The following FUBP1 variants were observed in gnomAD, a reference collection of about 807,000 sequenced individuals.
FUBP1 encodes far upstream element-binding protein 1.
A neutral mutation model predicts 94.9 loss-of-function variants in FUBP1; 16 were observed. The ratio of observed to expected loss-of-function variants is 0.17; its 90% CI spans 0.11 to 0.26. The LOEUF (loss-of-function observed/expected upper bound fraction) is 0.26. Ranked by LOEUF, FUBP1 falls within the 10% of genes least tolerant of loss-of-function variation. FUBP1 has a pLI of 1.00. For synonymous variants in FUBP1, 279 were observed against 254.9 expected, an observed-to-expected ratio of 1.09 and a Z score of -0.90; for missense variants, 583 against 808.6, an observed-to-expected ratio of 0.72 and a Z score of 3.38.
At chr1:77,953,152 AT>A (rs1195128479) in intron 18 of FUBP1, among the ~76,000 whole-genome samples, 1 of 151,906 alleles carries the variant, frequency 6.6e-6, no homozygotes, top group Non-Finnish European at 1.5e-5. Context: ...ACAACGAGAT[AT>A]GCATGTGAAG....
At chr1:77,957,103 TAAGA>T (rs1197063048) in intron 16 of FUBP1, among the ~76,000 whole-genome samples, 2 of 152,162 alleles carry the variant, frequency 1.3e-5, no homozygotes, top group Admixed American at 6.6e-5. Context: ...CTAACCTGTA[TAAGA>T]AAGAAAATTA....
In FUBP1 at chr1:77,949,166, G is replaced by A. The variant is rs1652849054; in HGVS notation, c.1915C>T (p.Pro639Ser). The change falls in exon 19 of 20, where the codon CCA becomes TCA. Residue 639 changes from proline to serine, a missense_variant. Coordinates refer to ENST00000370768, the MANE Select transcript of FUBP1 (RefSeq NM_003902.5). ...CAATTACATTATACCTGAGGTGCTG[G>A]AGGATGCTGTGGCATTCCCTGGGGA... ...TSPQGMPQHP[P>S]APQGQ is the part of the protein sequence containing the mutation. 1 of 1,612,944 alleles carries A rather than the reference G, an allele frequency of 6.2e-7. No individual in the cohort carries two copies. The highest frequency in any genetic ancestry group is 8.5e-7 in the Non-Finnish European group (1 of 1,179,252).
rs535820924 is a variant in FUBP1 at position 77,974,489 on chromosome 1, A to G, written c.120+4396T>C. Among the ~76,000 whole-genome samples the G allele has an allele frequency of 3.3e-5, 5 of 152,210 alleles. No individual in the cohort carries two copies. In the East Asian group the frequency reaches 9.6e-4, roughly 29 times the overall value. On this transcript the variant is annotated intron_variant, in intron 1 of 19. Transcript: ENST00000370768. ...TCACCATGTTGCCTAGGGTGGTCTCAGACTCCTGGGCTCAAGCAATCTTCC... is the reference window on the plus strand; with the variant it reads ...TCACCATGTTGCCTAGGGTGGTCTCGGACTCCTGGGCTCAAGCAATCTTCC...
intron 1 of FUBP1, among the ~76,000 whole-genome samples, chr1:77,977,268 G>A (rs938132122): frequency 6.6e-6 from 1 of 152,228 alleles, no homozygotes; most frequent in Admixed American, 6.5e-5. Flanking sequence ...AGCTTTGGGA[G>A]GCCAAGACGG....
At chr1:77,963,814 G>A (rs1655979726) in intron 12 of FUBP1, 99 bp from the exon 13 acceptor site, 2 of 987,432 alleles carry the variant, frequency 2.0e-6, no homozygotes, top group Non-Finnish European at 1.5e-6. Flanking sequence ...TCATATACCT[G>A]AATCAGAAAT....
Position 77,948,492 on chromosome 1 carries a change from C to T in FUBP1, c.*274G>A, listed in dbSNP as rs1652643694. The stretch of plus-strand genomic sequence containing the variant: ...GAAAAAGTACATTTATATCACAAAG[C>T]ATCAACCACATAATTGCAAATACAT... On this transcript the variant is annotated 3_prime_UTR_variant, in exon 20 of 20. Transcript: ENST00000370768. 2 of 1,221,436 alleles carry T rather than the reference C, an allele frequency of 1.6e-6. No homozygotes were observed. The highest frequency in any genetic ancestry group is 2.0e-6 in the Non-Finnish European group (2 of 977,020). 75.7% of individuals were successfully genotyped at this position (1,221,436 alleles called of 1,614,324 possible).
chr1:77,965,532 A>C (rs1656308055), intron 7 of FUBP1, among the ~76,000 whole-genome samples: 2 of 152,236 alleles, frequency 1.3e-5, no homozygotes, highest in South Asian at 4.1e-4. Flanking sequence ...GATTCTTCCA[A>C]GAACTAAATG....
rs1651959376 is a variant in FUBP1 at position 77,945,463 on chromosome 1, G to A, written c.*3303C>T. The A allele has an allele frequency of 4.7e-6, 1 of 211,142 alleles. No homozygotes were observed. Among genetic ancestry groups the A allele is most frequent in the South Asian group, 1.9e-4 (1 of 5,358 alleles). The allele number at this position is 211,142 out of a possible 1,614,324, so 13.1% of individuals were successfully genotyped here. On this transcript the variant is annotated 3_prime_UTR_variant, in exon 20 of 20. Coordinates refer to ENST00000370768, the MANE Select transcript of FUBP1 (RefSeq NM_003902.5). ...TACACCCTATACCATATTATGTATG[G>A]GAATACATTTCATATTTCTCAATTA...
chr1:77,953,070 A>G (rs1046651480), intron 18 of FUBP1, among the ~76,000 whole-genome samples: 48 of 151,924 alleles, frequency 3.2e-4, no homozygotes, highest in African/African-American at 1.1e-3. Context: ...CAGGAAGCAG[A>G]GGTTGCACTG....
At chr1:77,969,861 T>A in intron 2 of FUBP1, 64 bp downstream of exon 2, 1 of 709,354 alleles carries the variant, frequency 1.4e-6, no homozygotes, top group East Asian at 2.7e-5. Context: ...AACAGAAAAA[T>A]ACCGAGAATC....
chr1:77,948,882 A>C (rs763326726), intron 19 of FUBP1, 108 bp from the exon 20 acceptor site: 2 of 1,459,092 alleles, frequency 1.4e-6, no homozygotes, highest in African/African-American at 2.8e-5. Context: ...GTTAATATAA[A>C]TGGTGGTGGC....
intron 1 of FUBP1, 86 bp downstream of exon 1, chr1:77,978,799 C>G: frequency 6.7e-7 from 1 of 1,502,638 alleles, no homozygotes. Context: ...CTTTCCTCTT[C>G]CTCATGCGCT....
At chr1:77,974,274 T>C (rs1658176239) in intron 1 of FUBP1, among the ~76,000 whole-genome samples, 1 of 151,874 alleles carries the variant, frequency 6.6e-6, no homozygotes, top group African/African-American at 2.4e-5. Context: ...TAGCTGGGAC[T>C]ACAGGCGCCC....
intron 1 of FUBP1, among the ~76,000 whole-genome samples, chr1:77,970,802 T>C (rs1335152009): frequency 6.6e-6 from 1 of 152,168 alleles, no homozygotes; most frequent in Non-Finnish European, 1.5e-5. Flanking sequence ...CTTAGCACTT[T>C]GGGAGGTGGA....
chr1:77,959,380 C>T (rs911054502), intron 16 of FUBP1, among the ~76,000 whole-genome samples: 5 of 151,960 alleles, frequency 3.3e-5, no homozygotes, highest in Admixed American at 3.3e-4. Context: ...CGTATTTGGG[C>T]TTTAGCATGC....
intron 2 of FUBP1, chr1:77,969,057 G>A: frequency 7.8e-7 from 1 of 1,287,332 alleles, no homozygotes; most frequent in Non-Finnish European, 1.0e-6. Flanking sequence ...CCAGTGTGTT[G>A]TACTGCTCGG....
At chr1:77,966,044 T>C (rs1212290319) in intron 7 of FUBP1, among the ~76,000 whole-genome samples, 5 of 151,902 alleles carry the variant, frequency 3.3e-5, no homozygotes, top group African/African-American at 1.2e-4. Flanking sequence ...AACCTAGTAA[T>C]GAGGGAGAAC....
intron 6 of FUBP1, 61 bp downstream of exon 6, chr1:77,966,822 TA>T (rs200892659): frequency 0.15 from 133,980 of 902,854 alleles, 6 homozygotes; most frequent in South Asian, 0.18. Context: ...CTAGAAGGCT[TA>T]AAAAAAAAAA....
rs1401251630 is a variant in FUBP1 at position 77,949,371 on chromosome 1, A to G, written c.1781-71T>C. Reference sequence around the variant, plus strand: ...CAACATCTCATTTCTAATAAAAACAATACCTTGCTTCTTGTAATATTTCTC... The same window carrying G: ...CAACATCTCATTTCTAATAAAAACAGTACCTTGCTTCTTGTAATATTTCTC... On this transcript the variant is annotated intron_variant, in intron 18 of 19. Coordinates refer to ENST00000370768, the MANE Select transcript of FUBP1 (RefSeq NM_003902.5). 3 of 1,222,974 alleles carry G rather than the reference A, an allele frequency of 2.5e-6. 1 individual carries two copies. The highest frequency in any genetic ancestry group is 3.6e-6 in the Non-Finnish European group (3 of 842,308). 75.8% of individuals were successfully genotyped at this position (1,222,974 alleles called of 1,614,324 possible).
Sources: gnomAD v4.1 joint callset for allele counts (sites outside exome capture counted in the v4.1 genomes callset) on GRCh38, gnomAD v4.1.1 for gene constraint, MANE v1.5 for transcripts, NCBI Gene and HGNC (gene_info 2026-07-23, HGNC 2026-07-21) for gene names.